PPCS: variants seen among roughly 807,000 people sequenced by gnomAD.
PPCS encodes the protein phosphopantothenate--cysteine ligase.
A neutral mutation model predicts 24.6 loss-of-function variants in PPCS; 17 were observed. The ratio of observed to expected loss-of-function variants is 0.69; its 90% CI spans 0.47 to 1.04. The LOEUF (loss-of-function observed/expected upper bound fraction) is 1.04, where lower values mean the gene tolerates loss of function less well. Among genes scored for constraint, PPCS ranks in the 50% least tolerant of loss-of-function variants. The pLI is 0.00. For missense variants in PPCS, 360 were observed against 402.8 expected (o/e 0.89, Z 0.91); for synonymous variants, 190 against 168.3 (o/e 1.13, Z -1.00).
chr1:42,471,007 G>A (rs1643753317), intron 2 of PPCS, among the ~76,000 whole-genome samples: 1 of 152,196 alleles, frequency 6.6e-6, no homozygotes, highest in Non-Finnish European at 1.5e-5. Flanking sequence ...AGCATAGAAG[G>A]TGTTAGAGGG....
chr1:42,458,981 T>A (rs867897057), intron 2 of PPCS, among the ~76,000 whole-genome samples: 10 of 152,212 alleles, frequency 6.6e-5, no homozygotes, highest in Admixed American at 4.6e-4. Context: ...AACAGATTAT[T>A]TGTATCTGTT....
At chr1:42,467,991 G>A (rs924135720) in intron 2 of PPCS, among the ~76,000 whole-genome samples, 4 of 152,222 alleles carry the variant, frequency 2.6e-5, no homozygotes, top group Admixed American at 1.3e-4. Flanking sequence ...AACTCGCAGG[G>A]AAGCTCAGAG....
At chr1:42,463,344 G>A (rs1390645122), downstream of PPCS, 1 of 152,254 alleles carries the variant, frequency 6.6e-6, no homozygotes, top group African/African-American at 2.4e-5. Context: ...CGTAGGGGCC[G>A]AGCGACCCCG....
chr1:42,460,936 A>G lies in PPCS; in HGVS notation c.*1010A>G, dbSNP rs1181534709. ...GCAGTGTTACACCACTGCCCTGCTT[A>G]ATCTTTGAATCCTTGAGAATCTTTG... On this transcript the variant is annotated 3_prime_UTR_variant, in exon 3 of 3. Coordinates refer to ENST00000372561, the MANE Select transcript of PPCS (RefSeq NM_024664.4). Among the ~76,000 whole-genome samples, 1 of 152,202 alleles carries G rather than the reference A, an allele frequency of 6.6e-6. No homozygotes were observed. The highest frequency in any genetic ancestry group is 1.5e-5 in the Non-Finnish European group (1 of 68,030).
At position 42,461,208 on chromosome 1, in the gene PPCS, T is replaced by C. The variant is rs976705095; in HGVS notation, c.*1282T>C. Among the ~76,000 whole-genome samples the C allele has an allele frequency of 8.5e-5, 13 of 152,196 alleles. No individual in the cohort carries two copies. The highest frequency in any genetic ancestry group is 3.1e-4 in the African/African-American group (13 of 41,456). On this transcript the variant is annotated 3_prime_UTR_variant, in exon 3 of 3. Coordinates refer to ENST00000372561, the MANE Select transcript of PPCS (RefSeq NM_024664.4). Reference sequence around the variant, plus strand: ...TGTCTGTCTGATAATAGAAGTACAATAAATTTAATTGAGAAGATTTGACAG... The same window carrying C: ...TGTCTGTCTGATAATAGAAGTACAACAAATTTAATTGAGAAGATTTGACAG...
chr1:42,470,629 TAAATG>T (rs1285330599), intron 2 of PPCS, among the ~76,000 whole-genome samples: 1 of 152,202 alleles, frequency 6.6e-6, no homozygotes, highest in Non-Finnish European at 1.5e-5. Context: ...TATTCAATCT[TAAATG>T]AAATTATGAT....
chr1:42,467,868 T>C (rs1413411357), intron 2 of PPCS: 1 of 152,232 alleles, frequency 6.6e-6, no homozygotes, highest in Non-Finnish European at 1.5e-5. Flanking sequence ...GATACAAAGA[T>C]AGAAATGGCT....
intron 2 of PPCS, among the ~76,000 whole-genome samples, chr1:42,467,503 G>T (rs1162624534): frequency 6.6e-6 from 1 of 152,198 alleles, no homozygotes; most frequent in Non-Finnish European, 1.5e-5. Context: ...TGGGTTTCTG[G>T]CTTGGGAAAC....
At chr1:42,473,128 G>T in exon 3 of PPCS, 1 of 1,228,246 alleles carries the variant, frequency 8.1e-7, no homozygotes, top group Non-Finnish European at 1.0e-6. Context: ...CAAGGGAAAA[G>T]TTCAGTTAGA....
At chr1:42,472,325 A>T (rs1643797402) in intron 2 of PPCS, among the ~76,000 whole-genome samples, 1 of 152,228 alleles carries the variant, frequency 6.6e-6, no homozygotes. Context: ...TTTATCTTTC[A>T]TATACTGTCA....
Position 42,457,153 on chromosome 1 carries a change from C to T in PPCS, c.508+80C>T, listed in dbSNP as rs1367662889. 6.3e-6 allele frequency: 10 copies of T among 1,593,482 alleles called. No homozygotes were observed. In the African/African-American group the frequency reaches 1.3e-4, roughly 21 times the overall value. The stretch of plus-strand genomic sequence containing the variant: ...CACTTATCCCCTTACCTCCTGCTTA[C>T]CCACGGATCTCAGCTGGGGAACCCG... On this transcript the variant is annotated intron_variant, in intron 1 of 2. Transcript: ENST00000372561.
downstream of PPCS, among the ~76,000 whole-genome samples, chr1:42,461,346 T>G (rs1416976462): frequency 2.0e-5 from 3 of 152,018 alleles, no homozygotes; most frequent in African/African-American, 7.3e-5. Context: ...AACAAAAAAA[T>G]TTTCTTAGAG....
Position 42,460,060 on chromosome 1 carries a change from T to G in PPCS, c.*134T>G. The G allele has an allele frequency of 4.2e-6, 6 of 1,414,490 alleles. No homozygotes were observed. Among genetic ancestry groups the G allele is most frequent in the African/African-American group, 1.4e-5 (1 of 69,660 alleles). 87.6% of individuals were successfully genotyped at this position (1,414,490 alleles called of 1,614,324 possible). ...AAAGGCAGTGGTGTGTAGGCAAATA[T>G]GGTTTGGCATTTGTCTTTTAATGAC... On this transcript the variant is annotated 3_prime_UTR_variant, in exon 3 of 3. Transcript: ENST00000372561.
chr1:42,469,823 G>A (rs921620827), intron 2 of PPCS, among the ~76,000 whole-genome samples: 27 of 152,184 alleles, frequency 1.8e-4, no homozygotes, highest in African/African-American at 6.3e-4. Context: ...TGCCAAGAGT[G>A]AGGGGAGAGA....
chr1:42,456,412 C>A, upstream of PPCS: 2 of 839,150 alleles, frequency 2.4e-6, no homozygotes, highest in Non-Finnish European at 3.5e-6. Context: ...AGAACAACTA[C>A]GCATTTCCAG....
Position 42,456,729 on chromosome 1 carries a change from G to A in PPCS, c.164G>A (p.Arg55His). The change falls in exon 1 of 3, where the codon CGC becomes CAC. Residue 55 changes from arginine to histidine, a missense_variant. Physicochemically the swap from Arg to His is conservative, Grantham distance 29. Transcript: ENST00000372561. ...TKVPLEARPV[R>H]FLDNFSSGRR... is the part of the protein sequence containing the mutation. The stretch of plus-strand genomic sequence containing the variant: ...GTCCCACTGGAAGCGCGGCCGGTGC[G>A]CTTCCTGGACAACTTCAGCAGCGGG... The A allele has an allele frequency of 6.2e-7, 1 of 1,609,900 alleles. No individual in the cohort carries two copies. Among genetic ancestry groups the A allele is most frequent in the Non-Finnish European group, 8.5e-7 (1 of 1,179,226 alleles).
In PPCS at chr1:42,461,172, G is replaced by A. The variant is rs1026650306; in HGVS notation, c.*1246G>A. Among the ~76,000 whole-genome samples the A allele has an allele frequency of 1.3e-5, 2 of 152,158 alleles. No homozygotes were observed. The highest frequency in any genetic ancestry group is 4.8e-5 in the African/African-American group (2 of 41,432). On this transcript the variant is annotated 3_prime_UTR_variant, in exon 3 of 3. Transcript: ENST00000372561. Reference sequence around the variant, plus strand: ...CATGGTGTTTCATGGAGTAGGGAAGGGTAGCCCCTGTGTCTGTCTGATAAT... The same window carrying A: ...CATGGTGTTTCATGGAGTAGGGAAGAGTAGCCCCTGTGTCTGTCTGATAAT...
At chr1:42,473,367 T>C (rs775101387) in exon 3 of PPCS, 40 of 943,242 alleles carry the variant, frequency 4.2e-5, no homozygotes, top group Middle Eastern at 3.7e-4. Context: ...CTTCATTAAA[T>C]TGACATATTA....
chr1:42,457,501 C>T (rs1001993916), intron 2 of PPCS, 151 bp downstream of exon 2: 3 of 664,270 alleles, frequency 4.5e-6, no homozygotes, highest in African/African-American at 3.6e-5. Context: ...TCATGGACCT[C>T]ACAATCTAGT....
Sources: gnomAD v4.1 joint callset for allele counts (sites outside exome capture counted in the v4.1 genomes callset) on GRCh38, gnomAD v4.1.1 for gene constraint, MANE v1.5 for transcripts, NCBI Gene and HGNC (gene_info 2026-07-23, HGNC 2026-07-21) for gene names.